Variants in ZC3H14 observed in about 807,000 individuals in gnomAD.
The protein encoded by ZC3H14 is zinc finger CCCH-type containing 14, also known as zinc finger CCCH domain-containing protein 14.
ZC3H14 carries 31 observed loss-of-function variants against 92.4 expected under a neutral mutation model. That is an observed-to-expected ratio of 0.34 (90% confidence interval 0.25 to 0.45). ZC3H14 has a LOEUF of 0.45. Among genes scored for constraint, ZC3H14 ranks in the 20% least tolerant of loss-of-function variants. ZC3H14 has a pLI of 1.00. For synonymous variants in ZC3H14, 321 were observed against 300.9 expected, an observed-to-expected ratio of 1.07 and a Z score of -0.69; for missense variants, 781 against 897.3, an observed-to-expected ratio of 0.87 and a Z score of 1.66.
intron 8 of ZC3H14, 109 bp downstream of exon 8, chr14:88,576,049 C>A (rs2081116826): frequency 1.0e-6 from 1 of 966,380 alleles, no homozygotes; most frequent in South Asian, 1.5e-5. Context: ...TGTCAGATGT[C>A]AAGACCAAGA....
At chr14:88,597,341 A>T (rs1566957163) in intron 10 of ZC3H14, among the ~76,000 whole-genome samples, 1 of 152,090 alleles carries the variant, frequency 6.6e-6, no homozygotes, top group Admixed American at 6.6e-5. Context: ...CATTTTTATT[A>T]TCTCTGTCCT....
Position 88,578,049 on chromosome 14 carries a change from A to C in ZC3H14, c.1188A>C (p.Ala396=). The change falls in exon 9 of 17, where the codon GCA becomes GCC. Residue 396 remains alanine, a synonymous_variant. Coordinates refer to ENST00000251038, the MANE Select transcript of ZC3H14 (RefSeq NM_024824.5). The part of the protein sequence containing the change: ...RTRTSQEELL[A]EVVQGQSRTP... ...GAACTTCTCAAGAAGAATTGCTAGC[A>C]GAAGTGGTCCAGGGACAAAGTAGGA... 2 of 1,614,220 alleles carry C rather than the reference A, an allele frequency of 1.2e-6. No individual in the cohort carries two copies. Among genetic ancestry groups the C allele is most frequent in the Non-Finnish European group, 1.7e-6 (2 of 1,180,038 alleles).
Position 88,621,972 on chromosome 14 carries a change from A to T in ZC3H14, c.*10221A>T. The T allele has an allele frequency of 2.3e-6, 1 of 436,118 alleles. No individual in the cohort carries two copies. Among genetic ancestry groups the T allele is most frequent in the Non-Finnish European group, 4.6e-6 (1 of 216,232 alleles). The allele number at this position is 436,118 out of a possible 1,614,324, so 27.0% of individuals were successfully genotyped here. On this transcript the variant is annotated 3_prime_UTR_variant, in exon 17 of 17. Coordinates refer to ENST00000251038, the MANE Select transcript of ZC3H14 (RefSeq NM_024824.5). Reference sequence around the variant, plus strand: ...ACAGTACTACAGAATACTAAAACATACTATTCCTATCTGGCTGTGTAAACT... The same window carrying T: ...ACAGTACTACAGAATACTAAAACATTCTATTCCTATCTGGCTGTGTAAACT...
chr14:88,600,215 G>A (rs1156237936), intron 10 of ZC3H14, among the ~76,000 whole-genome samples: 1 of 152,214 alleles, frequency 6.6e-6, no homozygotes, highest in African/African-American at 2.4e-5. Flanking sequence ...TACTGCCCTT[G>A]CTGGGGAAGG....
At chr14:88,578,687 C>T (rs955191334) in intron 9 of ZC3H14, among the ~76,000 whole-genome samples, 2 of 151,278 alleles carry the variant, frequency 1.3e-5, no homozygotes, top group African/African-American at 4.9e-5. Flanking sequence ...TTTAAATCTC[C>T]CGTCTCTTAA....
At chr14:88,568,520 C>T (rs2079983723) in intron 3 of ZC3H14, among the ~76,000 whole-genome samples, 1 of 152,120 alleles carries the variant, frequency 6.6e-6, no homozygotes. Context: ...CTTGAGAACT[C>T]GGGAACTCAC....
intron 9 of ZC3H14, chr14:88,586,864 C>A (rs1307686724): frequency 1.3e-5 from 2 of 152,176 alleles, no homozygotes; most frequent in African/African-American, 2.4e-5. Flanking sequence ...TCATTCTTCT[C>A]TATACTAGTC....
At chr14:88,597,813 A>G (rs1362009644) in intron 10 of ZC3H14, among the ~76,000 whole-genome samples, 1 of 152,150 alleles carries the variant, frequency 6.6e-6, no homozygotes, top group Non-Finnish European at 1.5e-5. Context: ...CCACTTCATC[A>G]GCTCTTGTGC....
At chr14:88,611,018 A>G in intron 16 of ZC3H14, 78 bp downstream of exon 16, 1 of 1,397,172 alleles carries the variant, frequency 7.2e-7, no homozygotes, top group Admixed American at 1.8e-5. Flanking sequence ...TTATAAGCAC[A>G]CAAAATTGGA....
chr14:88,566,582 T>G (rs2079655113), intron 2 of ZC3H14, among the ~76,000 whole-genome samples: 1 of 152,230 alleles, frequency 6.6e-6, no homozygotes, highest in African/African-American at 2.4e-5. Flanking sequence ...ACTTCTGAAA[T>G]GAACCTTTCT....
At chr14:88,595,044 A>G in intron 9 of ZC3H14, 1 of 1,613,636 alleles carries the variant, frequency 6.2e-7, no homozygotes, top group Non-Finnish European at 8.5e-7. Flanking sequence ...ATCAAGAAGA[A>G]GATACTGAAT....
rs542557663 is a variant in ZC3H14 at position 88,613,557 on chromosome 14, T to C, written c.*1806T>C. On this transcript the variant is annotated 3_prime_UTR_variant, in exon 17 of 17. Transcript: ENST00000251038. The stretch of plus-strand genomic sequence containing the variant: ...CACTGCCCAGACACATATTTAAGAG[T>C]TTAATCTTTCAGTTGCTATGGCTTA... 1.3e-5 allele frequency: 2 copies of C among 152,122 alleles called. No homozygotes were observed. The highest frequency in any genetic ancestry group is 4.8e-5 in the African/African-American group (2 of 41,484). The allele number at this position is 152,122 out of a possible 1,614,324, so 9.4% of individuals were successfully genotyped here. A position where few individuals can be genotyped will look rare whatever the true frequency, so the allele number is the denominator to read the frequency against.
At chr14:88,586,032 G>A (rs1186703342) in intron 9 of ZC3H14, among the ~76,000 whole-genome samples, 1 of 152,280 alleles carries the variant, frequency 6.6e-6, no homozygotes, top group Non-Finnish European at 1.5e-5. Flanking sequence ...GCCAGGCATG[G>A]TGGCACACAC....
rs774653848 is a variant in ZC3H14, at chr14:88,603,037, A to G, written c.1724A>G (p.Asp575Gly). The G allele has an allele frequency of 1.2e-6, 2 of 1,614,150 alleles. No individual in the cohort carries two copies. The highest frequency in any genetic ancestry group is 4.5e-5 in the East Asian group (2 of 44,874). Residue 575 changes from aspartate to glycine, a missense_variant, in exon 12 of 17, where the codon GAC becomes GGC. Transcript: ENST00000251038. ...CACTTGCTGAGCAGGCAGCTTGAGG[A>G]CCCAAATGGTAGCTTTTCTAACGGT... ...QLHLLSRQLEDPNGSFSNAEM... is the reference protein window; with the variant it reads ...QLHLLSRQLEGPNGSFSNAEM...
intron 9 of ZC3H14, chr14:88,594,310 C>A: frequency 1.4e-6 from 1 of 737,926 alleles, no homozygotes; most frequent in Non-Finnish European, 1.7e-6. Flanking sequence ...GTGCTCTCAT[C>A]ATATGAAGTA....
rs190942545 is a variant in ZC3H14, at chr14:88,625,476, A to G, written c.*13725A>G. The G allele has an allele frequency of 1.2e-5, 2 of 166,782 alleles. No individual in the cohort carries two copies. Among genetic ancestry groups the G allele is most frequent in the Non-Finnish European group, 2.6e-5 (2 of 77,626 alleles). 10.3% of individuals were successfully genotyped at this position (166,782 alleles called of 1,614,324 possible). On this transcript the variant is annotated 3_prime_UTR_variant, in exon 17 of 17. Coordinates refer to ENST00000251038, the MANE Select transcript of ZC3H14 (RefSeq NM_024824.5). ...GAGTGCAATGGTGCGATCTCAGCTC[A>G]CCACAACCTCTGCTTCCCAGGTTCA...
In ZC3H14 at chr14:88,627,441, T is replaced by A; in HGVS notation, c.*15690T>A. On this transcript the variant is annotated 3_prime_UTR_variant, in exon 17 of 17. Transcript: ENST00000251038. ...ATTTATAATGCTAATAATGGTTTCA[T>A]TAATTTATCTGTTTTGTGAGGTTAC... is the stretch of plus-strand genomic sequence containing the variant. 1 of 529,126 alleles carries A rather than the reference T, an allele frequency of 1.9e-6. No homozygotes were observed. 32.8% of individuals were successfully genotyped at this position (529,126 alleles called of 1,614,324 possible).
Position 88,594,807 on chromosome 14 carries a change from AAGCTCCTCTTG to A in ZC3H14, c.1280-1926_1280-1916del, listed in dbSNP as rs770344380. 1.9e-6 allele frequency: 3 copies of A among 1,613,980 alleles called. No homozygotes were observed. In the East Asian group the frequency reaches 6.7e-5, roughly 36 times the overall value. ...AGCCAGTGGACTTAGGTTCCATAAC[AAGCTCCTCTTG>A]TTCACTGAATGAGCTAGACAATATT... On this transcript the variant is annotated intron_variant, in intron 9 of 16. Coordinates refer to ENST00000251038, the MANE Select transcript of ZC3H14 (RefSeq NM_024824.5).
At chr14:88,571,161 C>A in intron 4 of ZC3H14, 37 bp downstream of exon 4, 2 of 1,513,552 alleles carry the variant, frequency 1.3e-6, no homozygotes, top group Middle Eastern at 1.8e-4. Context: ...TTTCTGCTTG[C>A]TATGGCATAT....
Sources: allele counts gnomAD v4.1 joint callset (sites outside exome capture counted in the v4.1 genomes callset), GRCh38; gene constraint gnomAD v4.1.1; transcripts MANE v1.5; gene names NCBI Gene and HGNC (gene_info 2026-07-23, HGNC 2026-07-21).